DNPEP: variants seen among roughly 807,000 people sequenced by gnomAD.
The protein encoded by DNPEP is aspartyl aminopeptidase.
A neutral mutation model predicts 59.1 loss-of-function variants in DNPEP; 46 were observed. The observed-to-expected ratio is 0.78, with a 90% CI of 0.61 to 0.99. The LOEUF is 0.99. Ranked by LOEUF, DNPEP falls within the 50% of genes least tolerant of loss-of-function variation. DNPEP has a pLI of 0.00. For synonymous variants in DNPEP, 229 were observed against 242.2 expected, an observed-to-expected ratio of 0.95 and a Z score of 0.50; for missense variants, 617 against 649.9, an observed-to-expected ratio of 0.95 and a Z score of 0.55.
upstream of DNPEP, chr2:219,388,835 T>A: frequency 1.0e-5 from 10 of 985,460 alleles, no homozygotes; most frequent in Non-Finnish European, 1.2e-5. Context: ...GCCTGTTACC[T>A]CGTTTAATCT....
At chr2:219,375,562 A>C (rs757319357) in intron 13 of DNPEP, among the ~76,000 whole-genome samples, 2 of 151,672 alleles carry the variant, frequency 1.3e-5, no homozygotes, top group Non-Finnish European at 3.0e-5. Flanking sequence ...TTTTTATTTT[A>C]TTTTATTTAT....
Position 219,387,743 on chromosome 2 carries a change from G to C in DNPEP, c.36+16C>G. The C allele has an allele frequency of 6.2e-7, 1 of 1,607,430 alleles. No homozygotes were observed. The highest frequency in any genetic ancestry group is 1.1e-5 in the South Asian group (1 of 90,842). On this transcript the variant is annotated intron_variant, in intron 1 of 14. Transcript: ENST00000273075. Reference sequence around the variant, plus strand: ...CTGGGATCGAAATTCAAGTGGGGCCGTCGGGAGCCACTTACCTGCATGGCC... The same window carrying C: ...CTGGGATCGAAATTCAAGTGGGGCCCTCGGGAGCCACTTACCTGCATGGCC...
At chr2:219,398,386 A>G (rs1261125756) in intron 1 of DNPEP, among the ~76,000 whole-genome samples, 1 of 152,248 alleles carries the variant, frequency 6.6e-6, no homozygotes, top group African/African-American at 2.4e-5. Context: ...GCGTTGGCTC[A>G]CGCCTGTAAT....
intron 10 of DNPEP, among the ~76,000 whole-genome samples, chr2:219,382,866 C>A (rs1486504437): frequency 1.3e-5 from 2 of 152,196 alleles, no homozygotes; most frequent in African/African-American, 4.8e-5. Context: ...AGCCCTGGGG[C>A]TACGAGGATG....
In DNPEP at chr2:219,378,855, A is replaced by G. The variant is rs545356106; in HGVS notation, c.1239+2480T>C. ...ACACGTGCAATTATGTACAGTATGCAATACCTAAGAATAATAAATGACTAT... is the reference window on the plus strand; with the variant it reads ...ACACGTGCAATTATGTACAGTATGCGATACCTAAGAATAATAAATGACTAT... On this transcript the variant is annotated intron_variant, in intron 13 of 14. Transcript: ENST00000273075. Among the ~76,000 whole-genome samples the G allele has an allele frequency of 3.1e-3, 40 of 13,112 alleles. No homozygotes were observed. The East Asian group carries it at 0.077, about 25-fold the overall frequency. The allele number at this position is 13,112 out of a possible 152,430, so 8.6% of individuals were successfully genotyped here. A position where few individuals can be genotyped will look rare whatever the true frequency, so the allele number is the denominator to read the frequency against.
In DNPEP at chr2:219,384,365, C is replaced by T; in HGVS notation, c.852+1G>A. 6.2e-7 allele frequency: 1 copy of T among 1,608,684 alleles called. No homozygotes were observed. ...CTGCCTGGGGCGCCCCGGCTCCTCACCTGCAGGGCACAGAAGCAGCTGTGC... is the reference window on the plus strand; with the variant it reads ...CTGCCTGGGGCGCCCCGGCTCCTCATCTGCAGGGCACAGAAGCAGCTGTGC... On this transcript the variant is annotated splice_donor_variant, in intron 9 of 14. Transcript: ENST00000273075. LOFTEE classifies it high-confidence loss of function.
At chr2:219,390,103 C>T (rs1302139616), upstream of DNPEP, among the ~76,000 whole-genome samples, 1 of 152,196 alleles carries the variant, frequency 6.6e-6, no homozygotes, top group Admixed American at 6.5e-5. Context: ...GGAGTGGTGG[C>T]TCACGCCTGT....
At chr2:219,387,441 T>G (rs1178641996) in intron 1 of DNPEP, 1 of 1,431,938 alleles carries the variant, frequency 7.0e-7, no homozygotes. Flanking sequence ...AGCTAGGAAA[T>G]CCTGTTCTGC....
chr2:219,372,171 A>G lies in DNPEP; in HGVS notation c.*2121T>C, dbSNP rs552368454. Among the ~76,000 whole-genome samples the G allele has an allele frequency of 7.9e-5, 12 of 152,180 alleles. No individual in the cohort carries two copies. The highest frequency in any genetic ancestry group is 1.2e-4 in the Non-Finnish European group (8 of 68,026). ...GTACGCCAATTGTAAGAGTAAATAC[A>G]GTGTGAGGGTAAAATTTTTTACATA... is the stretch of plus-strand genomic sequence containing the variant. On this transcript the variant is annotated 3_prime_UTR_variant, in exon 15 of 15. Transcript: ENST00000273075.
In DNPEP at chr2:219,373,163, G is replaced by C. The variant is rs1400331915; in HGVS notation, c.*1129C>G. Reference sequence around the variant, plus strand: ...GGCTCACCACAACCTCCGCCTCCTGGGTTCAAGCGATTCTCCTGCCTCAGC... The same window carrying C: ...GGCTCACCACAACCTCCGCCTCCTGCGTTCAAGCGATTCTCCTGCCTCAGC... On this transcript the variant is annotated 3_prime_UTR_variant, in exon 15 of 15. Coordinates refer to ENST00000273075, the MANE Select transcript of DNPEP (RefSeq NM_012100.4). Among the ~76,000 whole-genome samples the C allele has an allele frequency of 6.6e-6, 1 of 151,496 alleles. No individual in the cohort carries two copies. Among genetic ancestry groups the C allele is most frequent in the Non-Finnish European group, 1.5e-5 (1 of 67,900 alleles).
chr2:219,385,838 G>A, intron 6 of DNPEP, 130 bp downstream of exon 6: 1 of 1,455,214 alleles, frequency 6.9e-7, no homozygotes, highest in Non-Finnish European at 9.3e-7. Context: ...CAAATCACAA[G>A]GCTGTGAGGA....
intron 6 of DNPEP, 96 bp from the exon 7 acceptor site, chr2:219,385,802 T>G: frequency 1.4e-6 from 2 of 1,413,690 alleles, no homozygotes; most frequent in Non-Finnish European, 1.9e-6. Flanking sequence ...CAACTGCCTC[T>G]GCCCTTCAAT....
At chr2:219,375,150 G>C (rs1202019175) in intron 13 of DNPEP, 128 bp from the exon 14 acceptor site, 1 of 985,408 alleles carries the variant, frequency 1.0e-6, no homozygotes, top group African/African-American at 1.6e-5. Flanking sequence ...TAAAATCAAA[G>C]CCAATGCTAA....
At chr2:219,376,867 TAAGAGGCCATTCCTGGTCCAGTGGTC>T (rs138498626) in intron 13 of DNPEP, among the ~76,000 whole-genome samples, 37,649 of 151,882 alleles carry the variant, frequency 0.25, 4,976 homozygotes, top group Middle Eastern at 0.36. Context: ...AATGAAAGGA[TAAGAGGCCATTCCTGGTCCAGTGGTC>T]AATCTTTGCA....
chr2:219,388,539 T>A (rs1953951745), upstream of DNPEP: 2 of 224,056 alleles, frequency 8.9e-6, no homozygotes, highest in Non-Finnish European at 1.5e-5. Flanking sequence ...CTGCGGGGGC[T>A]GCTCGTTAGG....
chr2:219,385,728 G>A (rs149080839), intron 6 of DNPEP, 22 bp from the exon 7 acceptor site: 25 of 1,583,870 alleles, frequency 1.6e-5, no homozygotes, highest in Admixed American at 7.1e-5. Context: ...CGTGGGTTGT[G>A]GGGGGATTGC....
chr2:219,380,658 C>T (rs1328809810), intron 13 of DNPEP, among the ~76,000 whole-genome samples: 1 of 152,078 alleles, frequency 6.6e-6, no homozygotes, highest in African/African-American at 2.4e-5. Context: ...GTGCAGCAGG[C>T]TGTCCGTCTA....
At chr2:219,381,124 G>A (rs1426122798) in intron 13 of DNPEP, among the ~76,000 whole-genome samples, 1 of 152,182 alleles carries the variant, frequency 6.6e-6, no homozygotes, top group African/African-American at 2.4e-5. Flanking sequence ...ACTCAGAAAG[G>A]TTAGGAGACT....
chr2:219,383,331 T>G (rs1953678306), intron 9 of DNPEP, 117 bp from the exon 10 acceptor site: 2 of 790,160 alleles, frequency 2.5e-6, no homozygotes, highest in Non-Finnish European at 4.2e-6. Flanking sequence ...GTGTGCACAT[T>G]CCCCTGTCTG....
Sources: allele counts gnomAD v4.1 joint callset (sites outside exome capture counted in the v4.1 genomes callset), GRCh38; gene constraint gnomAD v4.1.1; transcripts MANE v1.5; gene names NCBI Gene and HGNC (gene_info 2026-07-23, HGNC 2026-07-21).